CLSTN2: variants seen among roughly 807,000 people sequenced by gnomAD.
The protein encoded by CLSTN2 is calsyntenin 2, also known as calsyntenin-2.
A neutral mutation model predicts 101.2 loss-of-function variants in CLSTN2; 48 were observed. The ratio of observed to expected loss-of-function variants is 0.47; its 90% CI spans 0.38 to 0.60. The LOEUF is 0.60. CLSTN2 is among the 20% of genes least tolerant of loss of function. CLSTN2 has a pLI of 0.00. For missense variants in CLSTN2, 1,160 were observed against 1,238.2 expected, an observed-to-expected ratio of 0.94 and a Z score of 0.95; for synonymous variants, 481 against 463.6, an observed-to-expected ratio of 1.04 and a Z score of -0.48.
chr3:140,483,386 G>A (rs1384264176), intron 8 of CLSTN2, among the ~76,000 whole-genome samples: 1 of 152,162 alleles, frequency 6.6e-6, no homozygotes, highest in Non-Finnish European at 1.5e-5. Context: ...TTTGGAATAG[G>A]TGTGGTGTGG....
intron 9 of CLSTN2, among the ~76,000 whole-genome samples, chr3:140,538,549 C>T (rs1268187146): frequency 1.3e-5 from 2 of 152,298 alleles, no homozygotes; most frequent in East Asian, 3.9e-4. Flanking sequence ...AAACTGGAGC[C>T]TCATGTGGTC....
chr3:140,399,060 T>C (rs1252137029), intron 2 of CLSTN2, among the ~76,000 whole-genome samples: 2 of 152,246 alleles, frequency 1.3e-5, no homozygotes, highest in Non-Finnish European at 2.9e-5. Flanking sequence ...CCTGGTGGCC[T>C]GGTGCTGCTG....
At chr3:140,210,719 T>G (rs971699606) in intron 2 of CLSTN2, among the ~76,000 whole-genome samples, 1 of 152,114 alleles carries the variant, frequency 6.6e-6, no homozygotes, top group Non-Finnish European at 1.5e-5. Context: ...CCTGGGTATT[T>G]CATCTTGGGT....
chr3:140,297,806 T>TA (rs2087018583), intron 2 of CLSTN2, among the ~76,000 whole-genome samples: 2 of 152,254 alleles, frequency 1.3e-5, no homozygotes, highest in African/African-American at 4.8e-5. Context: ...ATGTGGCTGA[T>TA]ACGTGGGCTT....
Position 140,413,945 on chromosome 3 carries a change from T to C in CLSTN2, c.638-7180T>C, listed in dbSNP as rs548128843. On this transcript the variant is annotated intron_variant, in intron 4 of 16. Transcript: ENST00000458420. ...TACAAGGCCACAGCAAACATCATAC[T>C]CCACGGTGAAAAGTTTAAAGCTTTT... Among the ~76,000 whole-genome samples, 5 of 152,252 alleles carry C rather than the reference T, an allele frequency of 3.3e-5. No homozygotes were observed. In the South Asian group the frequency reaches 1.0e-3, roughly 32 times the overall value.
intron 2 of CLSTN2, among the ~76,000 whole-genome samples, chr3:140,350,551 A>T (rs2087594746): frequency 6.6e-6 from 1 of 152,216 alleles, no homozygotes; most frequent in South Asian, 2.1e-4. Context: ...TACCAATGAC[A>T]TCTTAAAATG....
intron 2 of CLSTN2, among the ~76,000 whole-genome samples, chr3:140,356,470 A>C (rs1159577211): frequency 1.3e-5 from 2 of 152,102 alleles, no homozygotes; most frequent in Admixed American, 1.3e-4. Context: ...TAAAAAGAAA[A>C]ATTCCAGGGC....
At chr3:140,411,238 T>C (rs1008299804) in intron 4 of CLSTN2, among the ~76,000 whole-genome samples, 8 of 152,186 alleles carry the variant, frequency 5.3e-5, no homozygotes, top group Admixed American at 5.2e-4. Flanking sequence ...ATAAAAGATT[T>C]TGTGCAAATG....
intron 2 of CLSTN2, among the ~76,000 whole-genome samples, chr3:140,178,589 G>T (rs964690033): frequency 4.5e-4 from 68 of 152,288 alleles, no homozygotes; most frequent in African/African-American, 1.5e-3. Context: ...GCTCTTAGGA[G>T]TAAAAAATAA....
chr3:140,224,549 A>G (rs887210457), intron 2 of CLSTN2, among the ~76,000 whole-genome samples: 60 of 152,306 alleles, frequency 3.9e-4, no homozygotes, highest in African/African-American at 1.2e-3. Flanking sequence ...AAGCAGATCA[A>G]AGTCCTCAAA....
chr3:140,397,157 A>G (rs1477326159), intron 2 of CLSTN2, among the ~76,000 whole-genome samples: 1 of 152,182 alleles, frequency 6.6e-6, no homozygotes, highest in Non-Finnish European at 1.5e-5. Context: ...GAAGAGTGCC[A>G]TTGTTTACAT....
At chr3:140,146,231 A>G (rs1360886203) in intron 1 of CLSTN2, among the ~76,000 whole-genome samples, 2 of 152,270 alleles carry the variant, frequency 1.3e-5, no homozygotes. Context: ...AACTAAGCAT[A>G]TAATAACTTA....
At chr3:140,027,220 C>T (rs1249120360) in intron 1 of CLSTN2, among the ~76,000 whole-genome samples, 1 of 152,194 alleles carries the variant, frequency 6.6e-6, no homozygotes, top group Non-Finnish European at 1.5e-5. Flanking sequence ...TCCTCAAATT[C>T]ATGTCCACCC....
At chr3:140,198,665 G>A (rs527414045) in intron 2 of CLSTN2, among the ~76,000 whole-genome samples, 7 of 152,288 alleles carry the variant, frequency 4.6e-5, no homozygotes, top group South Asian at 2.1e-4. Flanking sequence ...AAACTTTTTC[G>A]TAGTGGATCT....
intron 1 of CLSTN2, among the ~76,000 whole-genome samples, chr3:140,090,381 C>T (rs1170642912): frequency 6.6e-6 from 1 of 152,112 alleles, no homozygotes; most frequent in Non-Finnish European, 1.5e-5. Flanking sequence ...CTCTGTCAAT[C>T]TTCCCACCTT....
chr3:140,125,153 GAGAGGA>G lies in CLSTN2; in HGVS notation c.110-50795_110-50790del, dbSNP rs144242994. Among the ~76,000 whole-genome samples the G allele has an allele frequency of 9.5e-4, 145 of 152,262 alleles. 1 individual carries two copies. In the East Asian group the frequency reaches 0.025, roughly 26 times the overall value. On this transcript the variant is annotated intron_variant, in intron 1 of 16. Transcript: ENST00000458420. ...TTAGTGGGTTGAGGGAGGATAGGGG[GAGAGGA>G]AGTGATAACCATGGGTCTTGTCAAC...
intron 8 of CLSTN2, among the ~76,000 whole-genome samples, chr3:140,481,502 G>C (rs1295703203): frequency 6.6e-6 from 1 of 152,174 alleles, no homozygotes; most frequent in South Asian, 2.1e-4. Context: ...TTGGTAGCTT[G>C]ATGGGGATGG....
chr3:140,434,962 T>C (rs1044519297), intron 5 of CLSTN2, among the ~76,000 whole-genome samples: 1 of 152,368 alleles, frequency 6.6e-6, no homozygotes, highest in East Asian at 1.9e-4. Flanking sequence ...TATATATTTA[T>C]GGGGTTCATG....
At chr3:140,446,561 T>C (rs1381832911) in intron 5 of CLSTN2, among the ~76,000 whole-genome samples, 5 of 152,196 alleles carry the variant, frequency 3.3e-5, no homozygotes, top group Non-Finnish European at 7.4e-5. Context: ...GATCAGTCCC[T>C]ACTGCATGCT....
Sources: allele counts gnomAD v4.1 joint callset (sites outside exome capture counted in the v4.1 genomes callset), GRCh38; gene constraint gnomAD v4.1.1; transcripts MANE v1.5; gene names NCBI Gene and HGNC (gene_info 2026-07-23, HGNC 2026-07-21).